Variants in NPEPPS observed in about 807,000 individuals in gnomAD.
The protein encoded by NPEPPS is puromycin-sensitive aminopeptidase.
In NPEPPS, 14 loss-of-function variants were observed where a neutral mutation model predicts 115.5. The observed-to-expected ratio is 0.12, with a 90% CI of 0.08 to 0.19. NPEPPS has a LOEUF of 0.19. NPEPPS is among the 10% of genes least tolerant of loss of function. The probability of loss-of-function intolerance (pLI) is 1.00; values close to 1 mark genes in which losing one functional copy is unlikely to be tolerated. For missense variants in NPEPPS, 523 were observed against 1,110.8 expected (o/e 0.47, Z 7.52); for synonymous variants, 285 against 390.6 (o/e 0.73, Z 3.19).
chr17:47,568,180 T>C (rs1910953323), intron 2 of NPEPPS, among the ~76,000 whole-genome samples: 1 of 151,564 alleles, frequency 6.6e-6, no homozygotes, highest in East Asian at 1.9e-4. Flanking sequence ...TTTTCTTTTT[T>C]TGAGACAGAG....
chr17:47,583,634 G>A (rs1912019500), intron 5 of NPEPPS, among the ~76,000 whole-genome samples: 2 of 151,740 alleles, frequency 1.3e-5, no homozygotes, highest in Non-Finnish European at 2.9e-5. Context: ...TCATAAGAAA[G>A]CCAGGTACAG....
At chr17:47,542,380 C>G (rs1222374542) in intron 1 of NPEPPS, among the ~76,000 whole-genome samples, 1 of 152,056 alleles carries the variant, frequency 6.6e-6, no homozygotes, top group Admixed American at 6.6e-5. Flanking sequence ...AACCCCGTCT[C>G]TACTAGAAAT....
intron 1 of NPEPPS, among the ~76,000 whole-genome samples, chr17:47,537,559 G>A (rs939252996): frequency 6.6e-6 from 1 of 151,746 alleles, no homozygotes; most frequent in Non-Finnish European, 1.5e-5. Context: ...CGGGCGTGGT[G>A]GCACATGCCT....
rs752135418 is a variant in NPEPPS at position 47,610,125 on chromosome 17, A to G, written c.2096-2335A>G. On this transcript the variant is annotated intron_variant, in intron 17 of 22. Transcript: ENST00000322157. ...ACAAGATTGTGCAACTATCACCTCT[A>G]TATTTCCAGAAGAATTTCTTCACCC... is the stretch of plus-strand genomic sequence containing the variant. 4.1e-4 allele frequency among the ~76,000 whole-genome samples: 63 copies of G among 151,816 alleles called. 1 individual carries two copies. The highest frequency in any genetic ancestry group is 2.2e-4 in the Non-Finnish European group (15 of 67,950).
chr17:47,618,685 G>A (rs1429922526), intron 20 of NPEPPS, among the ~76,000 whole-genome samples: 2 of 152,214 alleles, frequency 1.3e-5, no homozygotes, highest in African/African-American at 4.8e-5. Flanking sequence ...TGGAAACTAT[G>A]AGGACAGGGA....
chr17:47,562,846 T>C (rs1910529341), intron 2 of NPEPPS, among the ~76,000 whole-genome samples: 1 of 152,082 alleles, frequency 6.6e-6, no homozygotes, highest in Admixed American at 6.5e-5. Context: ...TTTTCTGTAA[T>C]TTATTCATAT....
At chr17:47,558,169 C>G (rs144299583) in intron 2 of NPEPPS, among the ~76,000 whole-genome samples, 3,328 of 152,176 alleles carry the variant, frequency 0.022, 49 homozygotes, top group Non-Finnish European at 0.033. Flanking sequence ...GCTCTGCTGC[C>G]GAGGCTGGGG....
At chr17:47,542,586 G>C (rs1473518271) in intron 1 of NPEPPS, among the ~76,000 whole-genome samples, 4 of 150,236 alleles carry the variant, frequency 2.7e-5, no homozygotes, top group Admixed American at 2.0e-4. Flanking sequence ...AGATCTGTCA[G>C]CACTAAACCT....
At chr17:47,558,864 C>A (rs1044628218) in intron 2 of NPEPPS, among the ~76,000 whole-genome samples, 42 of 152,160 alleles carry the variant, frequency 2.8e-4, no homozygotes, top group Non-Finnish European at 4.3e-4. Context: ...GAAACCCTGT[C>A]TCTACTAAAA....
chr17:47,531,692 G>A (rs1022073474), intron 1 of NPEPPS, 137 bp downstream of exon 1: 2 of 1,201,572 alleles, frequency 1.7e-6, no homozygotes, highest in Non-Finnish European at 2.1e-6. Flanking sequence ...GCCGGGTTCG[G>A]CGTGCTCTGC....
chr17:47,555,791 G>A (rs1178465784), intron 2 of NPEPPS, among the ~76,000 whole-genome samples: 1 of 151,678 alleles, frequency 6.6e-6, no homozygotes, highest in Non-Finnish European at 1.5e-5. Context: ...GGGTATCAGA[G>A]ATCTTTCATT....
At chr17:47,536,846 G>C (rs1908336121) in intron 1 of NPEPPS, among the ~76,000 whole-genome samples, 1 of 151,472 alleles carries the variant, frequency 6.6e-6, no homozygotes, top group Non-Finnish European at 1.5e-5. Context: ...AGAGTAGCTG[G>C]GATTACAGGC....
intron 1 of NPEPPS, among the ~76,000 whole-genome samples, chr17:47,538,048 C>G (rs1362283513): frequency 6.6e-6 from 1 of 151,256 alleles, no homozygotes. Context: ...CATGCACCAC[C>G]ACGCCTGGCT....
At chr17:47,597,853 A>G (rs1422489908) in intron 13 of NPEPPS, among the ~76,000 whole-genome samples, 1 of 152,212 alleles carries the variant, frequency 6.6e-6, no homozygotes, top group East Asian at 1.9e-4. Flanking sequence ...CCAAATCTTA[A>G]CTTTAAACAT....
chr17:47,536,092 C>T (rs1908228796), intron 1 of NPEPPS, among the ~76,000 whole-genome samples: 1 of 152,066 alleles, frequency 6.6e-6, no homozygotes, highest in Non-Finnish European at 1.5e-5. Context: ...TCCTCGGCCT[C>T]CCAAAGTGTT....
intron 2 of NPEPPS, among the ~76,000 whole-genome samples, chr17:47,561,400 A>G (rs1206438622): frequency 2.0e-5 from 3 of 151,410 alleles, no homozygotes; most frequent in East Asian, 1.9e-4. Context: ...ATTACGATAT[A>G]TATGTTGGTT....
At chr17:47,614,522 G>C (rs973159050) in intron 19 of NPEPPS, among the ~76,000 whole-genome samples, 4 of 152,164 alleles carry the variant, frequency 2.6e-5, no homozygotes, top group Non-Finnish European at 5.9e-5. Flanking sequence ...TGCCTTCATA[G>C]CCTCTCTAGT....
intron 4 of NPEPPS, chr17:47,582,323 T>G (rs1372727774): frequency 2.7e-5 from 6 of 224,426 alleles, no homozygotes; most frequent in Middle Eastern, 1.8e-3. Context: ...ATTGAGAATA[T>G]TTTTATTTTT....
chr17:47,599,606 C>A, intron 13 of NPEPPS, 70 bp from the exon 14 acceptor site: 1 of 1,233,868 alleles, frequency 8.1e-7, no homozygotes, highest in Non-Finnish European at 1.2e-6. Context: ...TGTCTCCCTC[C>A]TCTTCAAAAA....
Sources: gnomAD v4.1 joint callset for allele counts (sites outside exome capture counted in the v4.1 genomes callset) on GRCh38, gnomAD v4.1.1 for gene constraint, MANE v1.5 for transcripts, NCBI Gene and HGNC (gene_info 2026-07-23, HGNC 2026-07-21) for gene names.